Variants in FRMPD1 observed in about 807,000 individuals in gnomAD.
FRMPD1 encodes the protein FERM and PDZ domain containing 1, also known as FERM and PDZ domain-containing protein 1.
FRMPD1 carries 76 observed loss-of-function variants against 117.8 expected under a neutral mutation model. That is an observed-to-expected ratio of 0.65 (90% CI 0.54 to 0.78). The LOEUF is 0.78. Ranked by LOEUF, FRMPD1 falls within the 30% of genes least tolerant of loss-of-function variation. The pLI, the probability that FRMPD1 is intolerant of heterozygous loss-of-function variation, is 0.00. For missense variants in FRMPD1, 1,786 were observed against 1,964.5 expected (o/e 0.91, Z 1.72); for synonymous variants, 783 against 770.4 (o/e 1.02, Z -0.27).
chr9:37,649,013 A>G (rs1820589114), upstream of FRMPD1, among the ~76,000 whole-genome samples: 1 of 152,064 alleles, frequency 6.6e-6, no homozygotes, highest in South Asian at 2.1e-4. Context: ...CAGAATGAGA[A>G]TCTGAGGAGA....
the FRMPD1 span, among the ~76,000 whole-genome samples, chr9:37,607,404 C>A: frequency 4.6e-5 from 7 of 152,094 alleles, no homozygotes; most frequent in African/African-American, 1.7e-4. Flanking sequence ...TCCTCATTAG[C>A]AGCAGTCAGT....
chr9:37,704,433 A>T (rs1191506207), intron 2 of FRMPD1, among the ~76,000 whole-genome samples: 1 of 152,152 alleles, frequency 6.6e-6, no homozygotes, highest in Non-Finnish European at 1.5e-5. Flanking sequence ...TAGCTATTAG[A>T]AAACTTAAAT....
chr9:37,693,989 A>G (rs1441047666), intron 2 of FRMPD1, among the ~76,000 whole-genome samples: 3 of 152,140 alleles, frequency 2.0e-5, no homozygotes, highest in Non-Finnish European at 4.4e-5. Flanking sequence ...GGTGCATTCA[A>G]CTTTTCGAGC....
chr9:37,742,624 C>T (rs1318971608), intron 15 of FRMPD1, among the ~76,000 whole-genome samples: 3 of 152,144 alleles, frequency 2.0e-5, no homozygotes, highest in Non-Finnish European at 4.4e-5. Context: ...TTTGGCCGGG[C>T]GCAGTGGTTC....
At chr9:37,622,549 T>C in the FRMPD1 span, among the ~76,000 whole-genome samples, 1 of 152,184 alleles carries the variant, frequency 6.6e-6, no homozygotes, top group African/African-American at 2.4e-5. Flanking sequence ...CCAGAAGCGT[T>C]TCTGCTTTAG....
intron 2 of FRMPD1, among the ~76,000 whole-genome samples, chr9:37,694,875 C>T (rs1001868625): frequency 6.6e-6 from 1 of 152,106 alleles, no homozygotes; most frequent in East Asian, 1.9e-4. Context: ...ATCAGTATGA[C>T]ATGTCATAGT....
At position 37,735,532 on chromosome 9, in the gene FRMPD1, T is replaced by C. The variant is rs374352396; in HGVS notation, c.1219-20T>C. The C allele has an allele frequency of 1.2e-4, 187 of 1,587,480 alleles. No individual in the cohort carries two copies. The highest frequency in any genetic ancestry group is 6.2e-4 in the Admixed American group (37 of 59,260). ...CACTCGCTTGCGAATGGAGACTAAT[T>C]CCCCTTCCACCCTCTGCAGTTACAG... On this transcript the variant is annotated intron_variant, in intron 12 of 15. Coordinates refer to ENST00000377765, the MANE Select transcript of FRMPD1 (RefSeq NM_014907.3).
the FRMPD1 span, among the ~76,000 whole-genome samples, chr9:37,609,672 C>G: frequency 6.6e-6 from 1 of 152,230 alleles, no homozygotes; most frequent in Non-Finnish European, 1.5e-5. Context: ...AGCTAAAGTG[C>G]TCTTGTTAAA....
chr9:37,745,979 T>C lies in FRMPD1; in HGVS notation c.3947T>C (p.Leu1316Ser). The C allele has an allele frequency of 6.2e-7, 1 of 1,614,212 alleles. No homozygotes were observed. The highest frequency in any genetic ancestry group is 1.1e-5 in the South Asian group (1 of 91,090). The change falls in exon 16 of 16, where the codon TTG becomes TCG. Residue 1316 changes from leucine (L) to serine (S), a missense_variant. By Grantham distance (145) the Leu-to-Ser change is moderately radical (BLOSUM62 -2). Transcript: ENST00000377765. ...GCCAGTCTCAGGGTGGCCACATCTT[T>C]GGGTTTTGCAGGCATGAATGAGATG... ...VSASLRVATS[L>S]GFAGMNEMVA...
At chr9:37,695,015 AT>A (rs1758508536) in intron 2 of FRMPD1, among the ~76,000 whole-genome samples, 1 of 149,348 alleles carries the variant, frequency 6.7e-6, no homozygotes, top group African/African-American at 2.5e-5. Context: ...GAATAGATAG[AT>A]AGATAGATAG....
At chr9:37,674,636 A>G (rs1308305643) in intron 1 of FRMPD1, among the ~76,000 whole-genome samples, 1 of 152,226 alleles carries the variant, frequency 6.6e-6, no homozygotes, top group Non-Finnish European at 1.5e-5. Flanking sequence ...AATTGGACTT[A>G]CAGTTCCACA....
intron 2 of FRMPD1, among the ~76,000 whole-genome samples, chr9:37,698,040 G>A (rs1216856518): frequency 6.6e-6 from 1 of 152,176 alleles, no homozygotes; most frequent in African/African-American, 2.4e-5. Flanking sequence ...TCTTGAACCT[G>A]GGAGGCAGAG....
intron 1 of FRMPD1, among the ~76,000 whole-genome samples, chr9:37,679,877 A>G (rs16934370): frequency 0.02 from 3,082 of 152,302 alleles, 118 homozygotes; most frequent in African/African-American, 0.07. Flanking sequence ...TTTGCCATCC[A>G]TCACTGAGGC....
chr9:37,605,641 A>G, the FRMPD1 span, among the ~76,000 whole-genome samples: 1 of 152,166 alleles, frequency 6.6e-6, no homozygotes, highest in Admixed American at 6.5e-5. Context: ...TTTGTACAGC[A>G]GATAAGACTA....
rs1384621125 is a variant in FRMPD1, at chr9:37,708,439, C to T, written c.300C>T (p.Ile100=). ...GCAAGCTTTTCCCTGGTGATCAGAT[C>T]CTCCAAATGAACAATGAGCCTGCTG... ...AHGKLFPGDQ[I]LQMNNEPAED... The change falls in exon 4 of 16, where the codon ATC becomes ATT. Residue 100 remains isoleucine (I), a synonymous_variant. Coordinates refer to ENST00000377765, the MANE Select transcript of FRMPD1 (RefSeq NM_014907.3). The T allele has an allele frequency of 6.2e-7, 1 of 1,613,406 alleles. No homozygotes were observed. The highest frequency in any genetic ancestry group is 8.5e-7 in the Non-Finnish European group (1 of 1,179,334).
intron 2 of FRMPD1, among the ~76,000 whole-genome samples, chr9:37,706,317 A>G (rs1371048726): frequency 6.6e-6 from 1 of 152,158 alleles, no homozygotes; most frequent in Non-Finnish European, 1.5e-5. Flanking sequence ...CCTTGTTGAA[A>G]CTGGAGATCA....
intron 7 of FRMPD1, among the ~76,000 whole-genome samples, chr9:37,725,903 G>A (rs554775508): frequency 2.0e-5 from 3 of 152,354 alleles, no homozygotes; most frequent in East Asian, 1.9e-4. Flanking sequence ...GGGAAGCTTT[G>A]CAAATGGATT....
Position 37,746,124 on chromosome 9 carries a change from C to T in FRMPD1, c.4092C>T (p.Ala1364=). Residue 1364 remains alanine (A), a synonymous_variant, in exon 16 of 16, where the codon GCC becomes GCT. Coordinates refer to ENST00000377765, the MANE Select transcript of FRMPD1 (RefSeq NM_014907.3). ...GGGACTTGGAAGCACACCCCATGGC[C>T]CCCCTCACCTCACCGCCCTCTGCGG... The part of the protein sequence containing the change: ...EDRDLEAHPM[A]PLTSPPSAGS... 2 of 1,614,142 alleles carry T rather than the reference C, an allele frequency of 1.2e-6. No individual in the cohort carries two copies. The highest frequency in any genetic ancestry group is 1.7e-6 in the Non-Finnish European group (2 of 1,180,032).
intron 9 of FRMPD1, among the ~76,000 whole-genome samples, chr9:37,731,645 G>A (rs1216046533): frequency 6.6e-6 from 1 of 152,214 alleles, no homozygotes; most frequent in East Asian, 1.9e-4. Context: ...GCCGAGGCAG[G>A]TGGACCACTT....
Sources: gnomAD v4.1 joint callset for allele counts (sites outside exome capture counted in the v4.1 genomes callset) on GRCh38, gnomAD v4.1.1 for gene constraint, MANE v1.5 for transcripts, NCBI Gene and HGNC (gene_info 2026-07-23, HGNC 2026-07-21) for gene names.